Variants in DCLK1 observed in about 807,000 individuals in gnomAD.
The protein encoded by DCLK1 is doublecortin like kinase 1.
DCLK1 carries 16 observed loss-of-function variants against 86.2 expected under a neutral mutation model. The ratio of observed to expected loss-of-function variants is 0.19; its 90% CI spans 0.13 to 0.28. The LOEUF is 0.28. DCLK1 is among the 10% of genes least tolerant of loss of function. The pLI is 1.00. For synonymous variants in DCLK1, 369 were observed against 370.5 expected (o/e 1.00, Z 0.05); for missense variants, 590 against 940.2 (o/e 0.63, Z 4.87).
chr13:36,125,557 C>G lies in DCLK1; in HGVS notation c.376+205G>C, dbSNP rs1886140900. 2.0e-5 allele frequency among the ~76,000 whole-genome samples: 3 copies of G among 152,188 alleles called. No individual in the cohort carries two copies. In the South Asian group the frequency reaches 6.2e-4, roughly 32 times the overall value. ...GAATTAGGGACTTTTTCCCTTAGCA[C>G]ATTATTATAAGCTACCTGACAATAC... On this transcript the variant is annotated intron_variant, in intron 2 of 16. Transcript: ENST00000360631.
intron 4 of DCLK1, among the ~76,000 whole-genome samples, chr13:35,928,115 T>C (rs1228572935): frequency 1.3e-5 from 2 of 152,334 alleles, no homozygotes; most frequent in East Asian, 3.9e-4. Flanking sequence ...TAGCAAACTA[T>C]TGAATTCGAG....
At chr13:35,848,678 A>G in intron 6 of DCLK1, 1 of 985,366 alleles carries the variant, frequency 1.0e-6, no homozygotes, top group Non-Finnish European at 1.2e-6. Context: ...GTAGTTGTCC[A>G]TAAGATTGAC....
At chr13:35,847,481 C>T in intron 6 of DCLK1, 2 of 985,056 alleles carry the variant, frequency 2.0e-6, no homozygotes, top group Non-Finnish European at 2.4e-6. Context: ...CACCCAAACA[C>T]CTGTATAGAT....
chr13:35,907,282 C>T (rs530620095), intron 4 of DCLK1, among the ~76,000 whole-genome samples: 1 of 152,304 alleles, frequency 6.6e-6, no homozygotes, highest in Non-Finnish European at 1.5e-5. Flanking sequence ...CCCACCTCAG[C>T]CTCTGAAGCA....
chr13:35,962,211 G>T (rs1035168164), intron 3 of DCLK1, among the ~76,000 whole-genome samples: 1 of 152,122 alleles, frequency 6.6e-6, no homozygotes, highest in Non-Finnish European at 1.5e-5. Flanking sequence ...AGTACCTCAG[G>T]ATATGACCTT....
intron 3 of DCLK1, among the ~76,000 whole-genome samples, chr13:36,048,643 T>C (rs1291914049): frequency 2.6e-5 from 4 of 152,166 alleles, no homozygotes; most frequent in Non-Finnish European, 5.9e-5. Context: ...TTCAATTCAG[T>C]GATGTCCAAG....
At chr13:35,824,234 T>C (rs919550908) in intron 10 of DCLK1, among the ~76,000 whole-genome samples, 16 of 152,164 alleles carry the variant, frequency 1.1e-4, no homozygotes, top group Non-Finnish European at 1.9e-4. Context: ...TGGAGTGCAG[T>C]AGCACAATCA....
At chr13:35,992,935 T>A (rs1168480336) in intron 3 of DCLK1, among the ~76,000 whole-genome samples, 2 of 152,202 alleles carry the variant, frequency 1.3e-5, no homozygotes, top group African/African-American at 4.8e-5. Flanking sequence ...TCTAATCGAT[T>A]ATACACATGA....
chr13:35,851,363 A>G (rs2153110025), intron 6 of DCLK1, among the ~76,000 whole-genome samples: 1 of 152,042 alleles, frequency 6.6e-6, no homozygotes, highest in African/African-American at 2.4e-5. Context: ...CCACTCACTC[A>G]TCACCTCCTC....
At chr13:35,908,652 C>G (rs989908187) in intron 4 of DCLK1, among the ~76,000 whole-genome samples, 4 of 152,140 alleles carry the variant, frequency 2.6e-5, no homozygotes, top group Non-Finnish European at 4.4e-5. Context: ...ACAACTTTGT[C>G]CCAATGGAAC....
At chr13:35,863,562 A>G (rs1319138372) in intron 5 of DCLK1, among the ~76,000 whole-genome samples, 1 of 152,246 alleles carries the variant, frequency 6.6e-6, no homozygotes, top group Non-Finnish European at 1.5e-5. Context: ...GATGAGCCTT[A>G]CATGCAGCCA....
At chr13:35,933,576 T>C (rs1179928598) in intron 4 of DCLK1, among the ~76,000 whole-genome samples, 1 of 152,198 alleles carries the variant, frequency 6.6e-6, no homozygotes, top group Admixed American at 6.5e-5. Context: ...CTCAACACCA[T>C]GTGGAAGCTG....
At chr13:36,068,227 G>C (rs143021822) in intron 3 of DCLK1, among the ~76,000 whole-genome samples, 1 of 152,312 alleles carries the variant, frequency 6.6e-6, no homozygotes, top group East Asian at 1.9e-4. Context: ...TGACCTGGCT[G>C]ATTTCATGCT....
chr13:36,059,080 G>T (rs1883444527), intron 3 of DCLK1, among the ~76,000 whole-genome samples: 1 of 152,080 alleles, frequency 6.6e-6, no homozygotes, highest in South Asian at 2.1e-4. Context: ...TTGTTAGAAT[G>T]ACCTCTCCAA....
At chr13:35,902,345 C>A (rs970791793) in intron 4 of DCLK1, among the ~76,000 whole-genome samples, 1 of 152,206 alleles carries the variant, frequency 6.6e-6, no homozygotes, top group African/African-American at 2.4e-5. Flanking sequence ...ACAGACATTG[C>A]TAATCGATTT....
intron 3 of DCLK1, among the ~76,000 whole-genome samples, chr13:36,046,939 CT>C (rs898868762): frequency 2.6e-5 from 4 of 152,200 alleles, no homozygotes; most frequent in Non-Finnish European, 5.9e-5. Flanking sequence ...ACACTTCACT[CT>C]TTCTAAATAG....
At chr13:35,931,513 T>G (rs1445036649) in intron 4 of DCLK1, among the ~76,000 whole-genome samples, 1 of 152,204 alleles carries the variant, frequency 6.6e-6, no homozygotes, top group African/African-American at 2.4e-5. Context: ...TAGGCTGTAT[T>G]TGGACAAGTT....
At chr13:35,992,093 A>G (rs1357742703) in intron 3 of DCLK1, among the ~76,000 whole-genome samples, 1 of 152,180 alleles carries the variant, frequency 6.6e-6, no homozygotes, top group Non-Finnish European at 1.5e-5. Flanking sequence ...TAATGAACAA[A>G]TTCTTTTTGA....
chr13:35,791,240 C>A (rs2086702987), intron 16 of DCLK1, among the ~76,000 whole-genome samples: 2 of 150,858 alleles, frequency 1.3e-5, no homozygotes, highest in Middle Eastern at 3.4e-3. Flanking sequence ...TGAAACCAGC[C>A]AATTATTTTG....
Sources: gnomAD v4.1 joint callset for allele counts (sites outside exome capture counted in the v4.1 genomes callset) on GRCh38, gnomAD v4.1.1 for gene constraint, MANE v1.5 for transcripts, NCBI Gene and HGNC (gene_info 2026-07-23, HGNC 2026-07-21) for gene names.